Variants in ETS2 observed in about 807,000 individuals in gnomAD.
The protein encoded by ETS2 is protein C-ets-2.
In ETS2, 19 loss-of-function variants were observed where a neutral mutation model predicts 54.9. That is an observed-to-expected ratio of 0.35 (90% CI 0.24 to 0.51). ETS2 has a LOEUF of 0.51. Among genes scored for constraint, ETS2 ranks in the 20% least tolerant of loss-of-function variants. The probability of loss-of-function intolerance (pLI) is 0.97; values close to 1 mark genes in which losing one functional copy is unlikely to be tolerated. For missense variants in ETS2, 417 were observed against 593.0 expected (o/e 0.70, Z 3.08); for synonymous variants, 219 against 229.3 (o/e 0.95, Z 0.41).
Position 38,814,290 on chromosome 21 carries a change from T to C in ETS2, c.202T>C (p.Leu68=). 2 of 1,614,116 alleles carry C rather than the reference T, an allele frequency of 1.2e-6. No individual in the cohort carries two copies. The part of the protein sequence containing the change: ...SISHDSANCE[L]PLLTPCSKAV... ...CCTTCCAGACTCCGCCAACTGTGAATTGCCTTTGTTAACCCCGTGCAGCAA... is the reference window on the plus strand; with the variant it reads ...CCTTCCAGACTCCGCCAACTGTGAACTGCCTTTGTTAACCCCGTGCAGCAA... Residue 68 remains leucine, a synonymous_variant, in exon 4 of 10, where the codon TTG becomes CTG. Coordinates refer to ENST00000360938, the MANE Select transcript of ETS2 (RefSeq NM_005239.6). The surrounding 1 kb of genome is among the most constrained non-coding windows in gnomAD (Gnocchi z 4.2).
At chr21:38,807,084 GA>G (rs2060896511) in intron 1 of ETS2, among the ~76,000 whole-genome samples, 1 of 152,224 alleles carries the variant, frequency 6.6e-6, no homozygotes, top group Admixed American at 6.5e-5. Flanking sequence ...CAATCAGAGA[GA>G]TAAATCTCCA....
Position 38,819,518 on chromosome 21 carries a change from A to G in ETS2, c.827A>G (p.His276Arg), listed in dbSNP as rs758977569. 11 of 1,613,996 alleles carry G rather than the reference A, an allele frequency of 6.8e-6. No individual in the cohort carries two copies. Among genetic ancestry groups the G allele is most frequent in the Non-Finnish European group, 7.6e-6 (9 of 1,179,862 alleles). The change falls in exon 8 of 10, where the codon CAC becomes CGC. Residue 276 changes from histidine to arginine, a missense_variant. His to Arg is a conservative substitution (Grantham distance 29, BLOSUM62 0). Around this residue, in one of 3 missense-constraint regions of ETS2, gnomAD observed 326 missense variants for 426.1 expected, o/e 0.76. Coordinates refer to ENST00000360938, the MANE Select transcript of ETS2 (RefSeq NM_005239.6). ...LTNNSGTPKD[H>R]DSPENGADSF... ...TCTTTGCCAGGGACTCCCAAAGACC[A>G]CGACTCCCCTGAGAACGGTGCGGAC...
rs1479073784 is a variant in ETS2, at chr21:38,806,661, G to A, written c.-1+541G>A. The A allele has an allele frequency of 2.0e-6, 2 of 985,282 alleles. No homozygotes were observed. Among genetic ancestry groups the A allele is most frequent in the South Asian group, 4.7e-5 (1 of 21,292 alleles). 61.0% of individuals were successfully genotyped at this position (985,282 alleles called of 1,614,324 possible). On this transcript the variant is annotated intron_variant, in intron 1 of 9. Coordinates refer to ENST00000360938, the MANE Select transcript of ETS2 (RefSeq NM_005239.6). This position sits in a 1 kb window ranked among gnomAD's most constrained non-coding sequence, Gnocchi z 4.3. ...ACCGCGGGAACCTGCGGGGCGCGGG[G>A]TGCCATGGTCACCTGCTCGCCGCGT...
rs562851148 is a variant in ETS2 at position 38,821,437 on chromosome 21, T to C, written c.1076-149T>C. The C allele has an allele frequency of 3.5e-4, 242 of 687,286 alleles. No individual in the cohort carries two copies. In the African/African-American group the frequency reaches 3.8e-3, roughly 11 times the overall value. The allele number at this position is 687,286 out of a possible 1,614,324, so 42.6% of individuals were successfully genotyped here. A position where few individuals can be genotyped will look rare whatever the true frequency, so the allele number is the denominator to read the frequency against. ...GCACTTAGTACTGTCACCAACACCT[T>C]GAGTGCCACCCTGAGTGTAACATCG... On this transcript the variant is annotated intron_variant, in intron 8 of 9. Transcript: ENST00000360938. This position sits in a 1 kb window ranked among gnomAD's most constrained non-coding sequence, Gnocchi z 4.2.
intron 2 of ETS2, among the ~76,000 whole-genome samples, chr21:38,810,844 G>A (rs534991483): frequency 1.3e-5 from 2 of 152,242 alleles, no homozygotes; most frequent in South Asian, 4.1e-4. Flanking sequence ...GTACGTCTCT[G>A]GCATATTACA....
intron 2 of ETS2, 75 bp from the exon 3 acceptor site, chr21:38,812,928 C>T: frequency 9.5e-7 from 1 of 1,047,922 alleles, no homozygotes; most frequent in South Asian, 1.3e-5. Flanking sequence ...GGATTGCCCA[C>T]AGACCACTTT....
rs1320442466 is a variant in ETS2, at chr21:38,810,073, C to A, written c.39C>A (p.Ala13=). The change falls in exon 2 of 10, where the codon GCC becomes GCA. Residue 13 remains alanine, a synonymous_variant. Transcript: ENST00000360938. The part of the protein sequence containing the change: ...DFGIKNMDQV[A]PVANSYRGTL... Reference sequence around the variant, plus strand: ...GAATCAAGAATATGGACCAGGTAGCCCCTGTGGCTAACAGTTACAGAGGGA... The same window carrying A: ...GAATCAAGAATATGGACCAGGTAGCACCTGTGGCTAACAGTTACAGAGGGA... The A allele has an allele frequency of 6.4e-7, 1 of 1,562,630 alleles. No individual in the cohort carries two copies. The highest frequency in any genetic ancestry group is 2.1e-5 in the Admixed American group (1 of 47,730).
intron 2 of ETS2, among the ~76,000 whole-genome samples, chr21:38,810,531 A>G (rs2060910129): frequency 6.6e-6 from 1 of 152,240 alleles, no homozygotes. Flanking sequence ...CAGAAAGGGC[A>G]GCGCCCGTGG....
rs143407258 is a variant in ETS2, at chr21:38,813,010, C to T, written c.80C>T (p.Pro27Leu). 2.7e-5 allele frequency: 44 copies of T among 1,612,430 alleles called. No homozygotes were observed. Among genetic ancestry groups the T allele is most frequent in the Non-Finnish European group, 3.4e-5 (40 of 1,178,644 alleles). ...TTCCATCTGTTTTTGCAGCGCCAGC[C>T]AGCCTTTGACACCTTTGATGGGTCC... ...NSYRGTLKRQ[P>L]AFDTFDGSLF... Residue 27 changes from proline (P) to leucine (L), a missense_variant, in exon 3 of 10, where the codon CCA becomes CTA. Transcript: ENST00000360938.
intron 9 of ETS2, among the ~76,000 whole-genome samples, chr21:38,822,316 C>T (rs2060961409): frequency 6.6e-6 from 1 of 152,218 alleles, no homozygotes; most frequent in African/African-American, 2.4e-5. Flanking sequence ...TCCCACTCGG[C>T]ACCTGTTAAC....
At chr21:38,820,482 A>C (rs895661066) in intron 8 of ETS2, among the ~76,000 whole-genome samples, 9 of 152,206 alleles carry the variant, frequency 5.9e-5, no homozygotes, top group Non-Finnish European at 1.2e-4. Context: ...ACACGGAAAG[A>C]GTGTGTGAAA....
intron 5 of ETS2, 80 bp downstream of exon 5, chr21:38,815,061 T>C: frequency 7.1e-7 from 1 of 1,399,366 alleles, no homozygotes; most frequent in South Asian, 1.2e-5. Context: ...CACGTGGGTG[T>C]TCTTCAACCT....
intron 1 of ETS2, among the ~76,000 whole-genome samples, chr21:38,807,628 G>C (rs192411159): frequency 2.0e-5 from 3 of 152,300 alleles, no homozygotes. Context: ...CTCATTAAAA[G>C]CTGGACAACA....
chr21:38,820,282 T>A (rs1253821202), intron 8 of ETS2, among the ~76,000 whole-genome samples: 1 of 152,230 alleles, frequency 6.6e-6, no homozygotes, highest in Non-Finnish European at 1.5e-5. Flanking sequence ...GCGAAAATAC[T>A]GGGGCTTTGT....
Position 38,805,951 on chromosome 21 carries a change from C to G in ETS2, c.-170C>G. On this transcript the variant is annotated 5_prime_UTR_variant, in exon 1 of 10. Coordinates refer to ENST00000360938, the MANE Select transcript of ETS2 (RefSeq NM_005239.6). This position sits in a 1 kb window ranked among gnomAD's most constrained non-coding sequence, Gnocchi z 5.2. ...CCCGGTTACTTCCTCCAGAGACTGA[C>G]GAGTGCGGTGTCGCTCCAGCTCAGA... is the stretch of plus-strand genomic sequence containing the variant. The G allele has an allele frequency of 7.9e-7, 1 of 1,270,532 alleles. No homozygotes were observed. Among genetic ancestry groups the G allele is most frequent in the Non-Finnish European group, 1.0e-6 (1 of 981,632 alleles). The allele number at this position is 1,270,532 out of a possible 1,614,324, so 78.7% of individuals were successfully genotyped here.
In ETS2 at chr21:38,806,119, G is replaced by C. The variant is rs190801053; in HGVS notation, c.-2G>C. The C allele has an allele frequency of 0.13, 134,384 of 1,042,792 alleles. 11,031 individuals are homozygous for C. Among genetic ancestry groups the C allele is most frequent in the African/African-American group, 0.38 (21,628 of 56,618 alleles). 64.6% of individuals were successfully genotyped at this position (1,042,792 alleles called of 1,614,324 possible). ...AGCGCCGGCCCTGCCCGCAGCGGCA[G>C]GGTAAGAGCTGGGCCCGCAGAGAGC... On this transcript the variant is annotated splice_region_variant and 5_prime_UTR_variant, in exon 1 of 10. Transcript: ENST00000360938. The surrounding 1 kb of genome is among the most constrained non-coding windows in gnomAD (Gnocchi z 4.3).
chr21:38,813,891 C>T (rs184742602), intron 3 of ETS2, among the ~76,000 whole-genome samples: 17 of 152,318 alleles, frequency 1.1e-4, no homozygotes, highest in Admixed American at 5.2e-4. Context: ...CTCAGCTCTA[C>T]GCCTAGTTTA....
In ETS2 at chr21:38,806,419, T is replaced by C; in HGVS notation, c.-1+299T>C. On this transcript the variant is annotated intron_variant, in intron 1 of 9. Transcript: ENST00000360938. This position sits in a 1 kb window ranked among gnomAD's most constrained non-coding sequence, Gnocchi z 4.3. Reference sequence around the variant, plus strand: ...AGCGGCGGGCGCGGCCAGGGCGCGCTGGCTTGTTTCGCTCGCTTTTGTTTT... The same window carrying C: ...AGCGGCGGGCGCGGCCAGGGCGCGCCGGCTTGTTTCGCTCGCTTTTGTTTT... 1.0e-6 allele frequency: 1 copy of C among 985,414 alleles called. No individual in the cohort carries two copies. Among genetic ancestry groups the C allele is most frequent in the Non-Finnish European group, 1.2e-6 (1 of 830,026 alleles). The allele number at this position is 985,414 out of a possible 1,614,324, so 61.0% of individuals were successfully genotyped here. A position where few individuals can be genotyped will look rare whatever the true frequency, so the allele number is the denominator to read the frequency against.
chr21:38,813,328 C>A (rs1186428268), intron 3 of ETS2, among the ~76,000 whole-genome samples: 1 of 152,198 alleles, frequency 6.6e-6, no homozygotes, highest in Non-Finnish European at 1.5e-5. Flanking sequence ...AGACGCCCCC[C>A]AGTGAGCCGC....
Sources: gnomAD v4.1 joint callset for allele counts (sites outside exome capture counted in the v4.1 genomes callset) on GRCh38, gnomAD v4.1.1 for gene constraint, gnomAD v4.1.1 regional missense constraint, Gnocchi (gnomAD v3.1) non-coding constraint, MANE v1.5 for transcripts, NCBI Gene and HGNC (gene_info 2026-07-23, HGNC 2026-07-21) for gene names.